The following THSD7B variants were observed in gnomAD, a reference collection of about 807,000 sequenced individuals.
THSD7B encodes the protein thrombospondin type 1 domain containing 7B, also known as thrombospondin type-1 domain-containing protein 7B.
THSD7B carries 138 observed loss-of-function variants against 213.6 expected under a neutral mutation model. The ratio of observed to expected loss-of-function variants is 0.65; its 90% CI spans 0.56 to 0.74. THSD7B has a LOEUF of 0.74. Ranked by LOEUF, THSD7B falls within the 30% of genes least tolerant of loss-of-function variation. The pLI, the probability that THSD7B is intolerant of heterozygous loss-of-function variation, is 0.00. For missense variants in THSD7B, 1,931 were observed against 1,991.5 expected (o/e 0.97, Z 0.58); for synonymous variants, 742 against 687.0 (o/e 1.08, Z -1.25).
intron 5 of THSD7B, among the ~76,000 whole-genome samples, chr2:137,149,763 A>G (rs918149850): frequency 6.6e-6 from 1 of 152,088 alleles, no homozygotes; most frequent in African/African-American, 2.4e-5. Context: ...GAATGGGTGT[A>G]TTTACCCAAT....
chr2:137,276,080 T>A, intron 12 of THSD7B, 54 bp downstream of exon 12: 1 of 1,295,906 alleles, frequency 7.7e-7, no homozygotes, highest in Non-Finnish European at 1.1e-6. Flanking sequence ...TAACATTATG[T>A]AACTCATATG....
chr2:137,622,349 A>AAAAAC (rs1366684570), intron 20 of THSD7B, among the ~76,000 whole-genome samples: 7 of 152,170 alleles, frequency 4.6e-5, no homozygotes, highest in South Asian at 2.1e-4. Context: ...TTGAGCCTGC[A>AAAAAC]AAAACAAAAC....
intron 5 of THSD7B, among the ~76,000 whole-genome samples, chr2:137,155,682 G>A (rs1679897667): frequency 6.6e-6 from 1 of 152,156 alleles, no homozygotes; most frequent in East Asian, 1.9e-4. Flanking sequence ...GCAAATTTTG[G>A]TCTCACTGCC....
intron 2 of THSD7B, among the ~76,000 whole-genome samples, chr2:136,884,080 C>T (rs1683672591): frequency 6.6e-6 from 1 of 152,152 alleles, no homozygotes; most frequent in Non-Finnish European, 1.5e-5. Context: ...AGAAAATTTC[C>T]TTGTACATGT....
chr2:137,645,778 C>T (rs898252307), intron 21 of THSD7B, among the ~76,000 whole-genome samples: 2 of 151,890 alleles, frequency 1.3e-5, no homozygotes, highest in African/African-American at 2.4e-5. Flanking sequence ...TATCTTTAAA[C>T]GCTTCTTTCC....
At chr2:137,483,242 A>G (rs780338383) in intron 15 of THSD7B, among the ~76,000 whole-genome samples, 1 of 152,190 alleles carries the variant, frequency 6.6e-6, no homozygotes, top group African/African-American at 2.4e-5. Context: ...ATTCTTGTTT[A>G]CCCTGTGAGG....
At chr2:137,351,520 G>T (rs1053921409) in intron 12 of THSD7B, among the ~76,000 whole-genome samples, 3 of 151,888 alleles carry the variant, frequency 2.0e-5, no homozygotes, top group Non-Finnish European at 2.9e-5. Flanking sequence ...TTCCACTAGG[G>T]ATCATTTCCA....
At chr2:137,466,677 A>G (rs1687996758) in intron 15 of THSD7B, among the ~76,000 whole-genome samples, 1 of 152,118 alleles carries the variant, frequency 6.6e-6, no homozygotes, top group East Asian at 1.9e-4. Flanking sequence ...GTTTGCACGC[A>G]ATCAGCAAAA....
intron 21 of THSD7B, among the ~76,000 whole-genome samples, chr2:137,645,331 A>G (rs1185849441): frequency 6.6e-6 from 1 of 152,234 alleles, no homozygotes; most frequent in Non-Finnish European, 1.5e-5. Context: ...CATTGTATAC[A>G]AAACCTCTAT....
At chr2:137,371,166 C>G (rs1273657206) in intron 12 of THSD7B, among the ~76,000 whole-genome samples, 3 of 152,066 alleles carry the variant, frequency 2.0e-5, no homozygotes, top group Non-Finnish European at 4.4e-5. Context: ...GATCTGCCAT[C>G]CTGGGATCTC....
chr2:137,629,025 G>A (rs1448919), intron 20 of THSD7B, among the ~76,000 whole-genome samples: 57,546 of 152,110 alleles, frequency 0.38, 12,906 homozygotes, highest in African/African-American at 0.63. Context: ...TAAGGGGCCA[G>A]TGACCCTGTT....
intron 15 of THSD7B, among the ~76,000 whole-genome samples, chr2:137,462,236 G>A (rs1301156876): frequency 6.6e-6 from 1 of 151,710 alleles, no homozygotes; most frequent in East Asian, 2.0e-4. Flanking sequence ...TAGTCACTTA[G>A]TAGTCCTCTT....
intron 5 of THSD7B, among the ~76,000 whole-genome samples, chr2:137,131,455 A>G (rs992635859): frequency 6.6e-5 from 10 of 152,256 alleles, no homozygotes; most frequent in South Asian, 4.1e-4. Context: ...GTCCTTGCCC[A>G]TGCCTATGTC....
At chr2:136,783,238 T>G (rs1370816662) in intron 1 of THSD7B, among the ~76,000 whole-genome samples, 4 of 152,182 alleles carry the variant, frequency 2.6e-5, no homozygotes, top group African/African-American at 9.6e-5. Flanking sequence ...CCGTATACCT[T>G]GTGAGCAAAA....
At chr2:137,053,858 CTG>C (rs890599164) in intron 2 of THSD7B, among the ~76,000 whole-genome samples, 48 of 152,212 alleles carry the variant, frequency 3.2e-4, no homozygotes, top group Admixed American at 1.1e-3. Context: ...TATCCAATAA[CTG>C]TTTTATATTA....
chr2:137,022,668 G>T (rs1006278719), intron 2 of THSD7B, among the ~76,000 whole-genome samples: 4 of 151,640 alleles, frequency 2.6e-5, no homozygotes, highest in African/African-American at 9.7e-5. Flanking sequence ...ACTAGAAAAT[G>T]TAAGATGGTC....
intron 1 of THSD7B, among the ~76,000 whole-genome samples, chr2:136,865,034 T>C (rs2104975858): frequency 6.6e-6 from 1 of 152,366 alleles, no homozygotes; most frequent in South Asian, 2.1e-4. Flanking sequence ...GTTTGGATTA[T>C]TTCTGTACTG....
In THSD7B at chr2:137,133,597, T is replaced by G. The variant is rs145326090; in HGVS notation, c.1369+18304T>G. Reference sequence around the variant, plus strand: ...TGGAGATGCCTATGCTGTTGCTCCATGGACCACATTTTGAGCAGCACTGTC... The same window carrying G: ...TGGAGATGCCTATGCTGTTGCTCCAGGGACCACATTTTGAGCAGCACTGTC... On this transcript the variant is annotated intron_variant, in intron 5 of 27. Coordinates refer to ENST00000409968, the MANE Select transcript of THSD7B (RefSeq NM_001316349.2). Among the ~76,000 whole-genome samples the G allele has an allele frequency of 4.6e-3, 707 of 152,284 alleles. 7 individuals carry two copies. Among genetic ancestry groups the G allele is most frequent in the Middle Eastern group, 6.8e-3 (2 of 294 alleles).
chr2:137,389,143 A>G (rs1685957824), intron 12 of THSD7B, among the ~76,000 whole-genome samples: 1 of 147,902 alleles, frequency 6.8e-6, no homozygotes, highest in Admixed American at 6.8e-5. Flanking sequence ...CTAACAGTGT[A>G]TAAGAGCTCC....
Sources: gnomAD v4.1 joint callset for allele counts (sites outside exome capture counted in the v4.1 genomes callset) on GRCh38, gnomAD v4.1.1 for gene constraint, MANE v1.5 for transcripts, NCBI Gene and HGNC (gene_info 2026-07-23, HGNC 2026-07-21) for gene names.